The following GNE variants were observed in gnomAD, a reference collection of about 807,000 sequenced individuals.
The protein encoded by GNE is bifunctional UDP-N-acetylglucosamine 2-epimerase/N-acetylmannosamine kinase.
GNE carries 41 observed loss-of-function variants against 61.8 expected under a neutral mutation model. The observed-to-expected ratio is 0.66, with a 90% CI of 0.52 to 0.86. The LOEUF (loss-of-function observed/expected upper bound fraction) is 0.86, where lower values mean the gene tolerates loss of function less well. Among genes scored for constraint, GNE ranks in the 40% least tolerant of loss-of-function variants. The probability of loss-of-function intolerance (pLI) is 0.00; values close to 1 mark genes in which losing one functional copy is unlikely to be tolerated. For missense variants in GNE, 608 were observed against 909.1 expected (o/e 0.67, Z 4.26); for synonymous variants, 264 against 326.4 (o/e 0.81, Z 2.06).
intron 7 of GNE, among the ~76,000 whole-genome samples, chr9:36,225,114 A>G (rs1828802264): frequency 6.6e-6 from 1 of 152,228 alleles, no homozygotes; most frequent in Non-Finnish European, 1.5e-5. Context: ...TGACATCTTA[A>G]AAATAATCAG....
chr9:36,261,144 CG>C (rs1329801454), upstream of GNE, among the ~76,000 whole-genome samples: 2 of 152,090 alleles, frequency 1.3e-5, no homozygotes, highest in Admixed American at 1.3e-4. Flanking sequence ...AAAAAGACCC[CG>C]GTGATTACAT....
Position 36,216,322 on chromosome 9 carries a change from GAAGGA to G in GNE, c.*1038_*1042del, listed in dbSNP as rs1440205436. 1.8e-5 allele frequency: 4 copies of G among 227,826 alleles called. No individual in the cohort carries two copies. Among genetic ancestry groups the G allele is most frequent in the South Asian group, 8.9e-5 (4 of 44,968 alleles). 14.1% of individuals were successfully genotyped at this position (227,826 alleles called of 1,614,324 possible). A position where few individuals can be genotyped will look rare whatever the true frequency, so the allele number is the denominator to read the frequency against. On this transcript the variant is annotated 3_prime_UTR_variant, in exon 12 of 12. Coordinates refer to ENST00000642385, the MANE Select transcript of GNE (RefSeq NM_005476.7). ...TGATCTTAGTTTGGGGTTAGAGGAGGAAGGATGTGTGTGTGTGTGTGTGTGTGTGT... is the reference window on the plus strand; with the variant it reads ...TGATCTTAGTTTGGGGTTAGAGGAGGTGTGTGTGTGTGTGTGTGTGTGTGT...
chr9:36,229,302 A>G (rs1283550299), intron 5 of GNE, among the ~76,000 whole-genome samples, 194 bp from the exon 6 acceptor site: 2 of 152,198 alleles, frequency 1.3e-5, no homozygotes, highest in African/African-American at 2.4e-5. Flanking sequence ...CAGTACATCA[A>G]ACACTTAAGG....
upstream of GNE, among the ~76,000 whole-genome samples, chr9:36,262,880 C>T (rs554143689): frequency 2.0e-5 from 3 of 152,272 alleles, no homozygotes; most frequent in Non-Finnish European, 2.9e-5. Context: ...CCGTGTATTT[C>T]GTAGCCTAAA....
At chr9:36,223,557 G>A in intron 7 of GNE, 55 bp from the exon 8 acceptor site, 7 of 1,544,942 alleles carry the variant, frequency 4.5e-6, no homozygotes, top group Non-Finnish European at 6.2e-6. Flanking sequence ...GCAGCATATT[G>A]TGAGTGTTGT....
At chr9:36,229,541 G>A (rs1381140694) in intron 5 of GNE, among the ~76,000 whole-genome samples, 3 of 152,140 alleles carry the variant, frequency 2.0e-5, no homozygotes, top group African/African-American at 7.2e-5. Context: ...TAAATCTAGC[G>A]AAAATGGCCA....
At chr9:36,269,666 T>TTC (rs1353868614) in intron 1 of GNE, among the ~76,000 whole-genome samples, 23 of 147,110 alleles carry the variant, frequency 1.6e-4, no homozygotes, top group African/African-American at 5.7e-4. Flanking sequence ...TCTTCTTTCT[T>TTC]TTTTTTTTTT....
intron 5 of GNE, among the ~76,000 whole-genome samples, chr9:36,232,570 C>T (rs892575299): frequency 2.2e-4 from 33 of 152,182 alleles, no homozygotes; most frequent in Admixed American, 1.3e-4. Flanking sequence ...GTTCACCTCC[C>T]GGCCCTCACA....
intron 3 of GNE, among the ~76,000 whole-genome samples, chr9:36,239,438 A>G (rs184997712): frequency 2.0e-5 from 3 of 151,098 alleles, no homozygotes; most frequent in Admixed American, 2.0e-4. Context: ...CATGTTGTCT[A>G]TGATTTCTTT....
At chr9:36,241,086 T>A (rs1365187213) in intron 3 of GNE, among the ~76,000 whole-genome samples, 2 of 152,068 alleles carry the variant, frequency 1.3e-5, no homozygotes, top group Non-Finnish European at 2.9e-5. Flanking sequence ...GTTTTATTTA[T>A]CTTTTCAAAG....
intron 1 of GNE, among the ~76,000 whole-genome samples, chr9:36,251,111 C>T (rs1830092117): frequency 6.6e-6 from 1 of 152,172 alleles, no homozygotes; most frequent in Non-Finnish European, 1.5e-5. Context: ...TATATCTATA[C>T]CTTTATAGAT....
chr9:36,253,968 C>T (rs1276332743), intron 1 of GNE, among the ~76,000 whole-genome samples: 3 of 151,824 alleles, frequency 2.0e-5, no homozygotes, highest in East Asian at 3.9e-4. Context: ...ACCTGGGAGG[C>T]GGAGGTTGCA....
chr9:36,239,353 C>T (rs1829537714), intron 3 of GNE, among the ~76,000 whole-genome samples: 1 of 152,090 alleles, frequency 6.6e-6, no homozygotes, highest in African/African-American at 2.4e-5. Context: ...CAACTCTACC[C>T]ATCCATGAGT....
Position 36,236,901 on chromosome 9 carries a change from C to G in GNE, c.700G>C (p.Glu234Gln), listed in dbSNP as rs1424893200. The change falls in exon 4 of 12, where the codon GAA (glutamate) becomes CAA (glutamine). Residue 234 changes from glutamate to glutamine, a missense_variant. Coordinates refer to ENST00000642385, the MANE Select transcript of GNE (RefSeq NM_005476.7). ...GAGATAAGTGCATCCAATGTTAATT[C>G]AAACATTTTTATGGAATGCTTAATG... ...TDIKHSIKMF[E>Q]LTLDALISFN... 2 of 1,610,690 alleles carry G rather than the reference C, an allele frequency of 1.2e-6. No homozygotes were observed. The highest frequency in any genetic ancestry group is 4.5e-5 in the East Asian group (2 of 44,860).
rs574510061 is a variant in GNE, at chr9:36,238,754, A to G, written c.617-1770T>C. The stretch of plus-strand genomic sequence containing the variant: ...TCTTTAGTTTAATTAGGTCCAGGCT[A>G]TTTATCTTTGTTTTATCGTATTTGC... On this transcript the variant is annotated intron_variant, in intron 3 of 11. Coordinates refer to ENST00000642385, the MANE Select transcript of GNE (RefSeq NM_005476.7). Among the ~76,000 whole-genome samples, 7 of 152,170 alleles carry G rather than the reference A, an allele frequency of 4.6e-5. No homozygotes were observed. The South Asian group carries it at 1.5e-3, about 32-fold the overall frequency.
intron 1 of GNE, among the ~76,000 whole-genome samples, chr9:36,266,200 C>G (rs28669370): frequency 0.11 from 16,316 of 152,062 alleles, 1,227 homozygotes; most frequent in African/African-American, 0.19. Flanking sequence ...CAAAGTGTTG[C>G]GATTACAGGC....
At chr9:36,256,296 G>A (rs1206142055) in intron 1 of GNE, among the ~76,000 whole-genome samples, 4 of 142,928 alleles carry the variant, frequency 2.8e-5, no homozygotes, top group Non-Finnish European at 4.5e-5. Flanking sequence ...CCAGGCTGGA[G>A]TGCAGTGGTG....
upstream of GNE, among the ~76,000 whole-genome samples, chr9:36,261,864 A>C (rs1180616529): frequency 6.6e-6 from 1 of 151,040 alleles, no homozygotes; most frequent in African/African-American, 2.4e-5. Context: ...CGGAGCTTGC[A>C]GTGAGCGGAG....
chr9:36,222,378 CA>C (rs1245319897), intron 9 of GNE, among the ~76,000 whole-genome samples: 1 of 145,122 alleles, frequency 6.9e-6, no homozygotes, highest in East Asian at 2.0e-4. Context: ...GAGATCCCGC[CA>C]CTGCACTCCA....
Sources: gnomAD v4.1 joint callset for allele counts (sites outside exome capture counted in the v4.1 genomes callset) on GRCh38, gnomAD v4.1.1 for gene constraint, MANE v1.5 for transcripts, NCBI Gene and HGNC (gene_info 2026-07-23, HGNC 2026-07-21) for gene names.